Variants in ZC3H3 observed in about 807,000 individuals in gnomAD.
ZC3H3 encodes the protein zinc finger CCCH domain-containing protein 3.
Under a neutral mutation model 77.3 loss-of-function variants are expected in ZC3H3, and 36 were observed. That is an observed-to-expected ratio of 0.47 (90% CI 0.36 to 0.61). ZC3H3 has a LOEUF of 0.61. Ranked by LOEUF, ZC3H3 falls within the 20% of genes least tolerant of loss-of-function variation. ZC3H3 has a pLI of 0.00. For synonymous variants in ZC3H3, 626 were observed against 555.2 expected (o/e 1.13, Z -1.79); for missense variants, 1,331 against 1,312.2 (o/e 1.01, Z -0.22).
chr8:143,503,070 C>A (rs1821573882), intron 4 of ZC3H3, among the ~76,000 whole-genome samples: 1 of 152,248 alleles, frequency 6.6e-6, no homozygotes, highest in Admixed American at 6.5e-5. Context: ...CTCAGCAGAA[C>A]AACCCAGTCC....
chr8:143,449,701 G>A (rs555130241), intron 9 of ZC3H3, among the ~76,000 whole-genome samples: 3 of 151,966 alleles, frequency 2.0e-5, no homozygotes, highest in South Asian at 4.2e-4. Flanking sequence ...TTGCGCCACT[G>A]CATTCCAGCC....
At chr8:143,521,124 G>A (rs1822229068) in intron 3 of ZC3H3, among the ~76,000 whole-genome samples, 1 of 152,154 alleles carries the variant, frequency 6.6e-6, no homozygotes, top group South Asian at 2.1e-4. Context: ...AGCCCAGAGG[G>A]TTCTCAACAA....
intron 9 of ZC3H3, among the ~76,000 whole-genome samples, chr8:143,443,226 A>C (rs1819790352): frequency 1.4e-5 from 2 of 146,090 alleles, no homozygotes; most frequent in African/African-American, 5.0e-5. Flanking sequence ...TGGAGGTTGC[A>C]GTGAGCCAAG....
intron 2 of ZC3H3, among the ~76,000 whole-genome samples, 183 bp downstream of exon 2, chr8:143,537,820 C>G (rs1352267924): frequency 6.6e-6 from 1 of 152,008 alleles, no homozygotes; most frequent in East Asian, 1.9e-4. Context: ...TAAGTTTATG[C>G]CGGCCAGGGC....
chr8:143,454,079 CTTTT>C (rs55882218), intron 9 of ZC3H3, among the ~76,000 whole-genome samples: 1 of 142,770 alleles, frequency 7.0e-6, no homozygotes, highest in Non-Finnish European at 1.5e-5. Flanking sequence ...ATAACTTTTT[CTTTT>C]TTTTTTTTTT....
At chr8:143,531,575 T>C (rs147153321) in intron 3 of ZC3H3, among the ~76,000 whole-genome samples, 27 of 152,362 alleles carry the variant, frequency 1.8e-4, no homozygotes, top group African/African-American at 6.3e-4. Flanking sequence ...TTGTGCCAAA[T>C]AAATTGTGTA....
chr8:143,525,999 G>A (rs1353855607), intron 3 of ZC3H3, among the ~76,000 whole-genome samples: 1 of 152,226 alleles, frequency 6.6e-6, no homozygotes, highest in Admixed American at 6.5e-5. Context: ...AGCCCAGGGT[G>A]CTGGCACTGG....
intron 5 of ZC3H3, 68 bp from the exon 6 acceptor site, chr8:143,468,727 C>T: frequency 1.3e-6 from 2 of 1,506,818 alleles, no homozygotes; most frequent in South Asian, 2.5e-5. Context: ...CCCTGCTGAC[C>T]CCCTTAGTCG....
In ZC3H3 at chr8:143,437,781, A is replaced by C; in HGVS notation, c.*275T>G. 2 of 512,796 alleles carry C rather than the reference A, an allele frequency of 3.9e-6. No individual in the cohort carries two copies. Among genetic ancestry groups the C allele is most frequent in the Non-Finnish European group, 7.1e-6 (2 of 282,172 alleles). The allele number at this position is 512,796 out of a possible 1,614,324, so 31.8% of individuals were successfully genotyped here. A position where few individuals can be genotyped will look rare whatever the true frequency, so the allele number is the denominator to read the frequency against. On this transcript the variant is annotated 3_prime_UTR_variant, in exon 12 of 12. Coordinates refer to ENST00000262577, the MANE Select transcript of ZC3H3 (RefSeq NM_015117.3). ...GGGGGCTGCAGGGCCACTGTTGCCA[A>C]TGGCAGTCGGGGACAGGCCTGGAGG...
intron 3 of ZC3H3, among the ~76,000 whole-genome samples, chr8:143,516,063 T>C (rs1201019741): frequency 6.6e-6 from 1 of 152,124 alleles, no homozygotes; most frequent in African/African-American, 2.4e-5. Flanking sequence ...CTTGAGTGGC[T>C]GGGTGTGCTT....
At chr8:143,470,950 G>A (rs1393029876) in intron 5 of ZC3H3, among the ~76,000 whole-genome samples, 1 of 152,120 alleles carries the variant, frequency 6.6e-6, no homozygotes, top group Non-Finnish European at 1.5e-5. Context: ...GAATAGACTC[G>A]GCTCCCACCA....
chr8:143,524,608 G>C (rs773263482), intron 3 of ZC3H3, among the ~76,000 whole-genome samples: 1 of 152,260 alleles, frequency 6.6e-6, no homozygotes, highest in African/African-American at 2.4e-5. Flanking sequence ...ACAGCAGCTG[G>C]CCCCTGGCCC....
At chr8:143,474,540 G>A (rs1017727508) in intron 5 of ZC3H3, among the ~76,000 whole-genome samples, 8 of 152,316 alleles carry the variant, frequency 5.3e-5, no homozygotes, top group Admixed American at 3.9e-4. Flanking sequence ...CAGGCAGGGC[G>A]GCCAGTGAGG....
chr8:143,475,714 A>G, intron 4 of ZC3H3, 129 bp from the exon 5 acceptor site: 3 of 1,122,590 alleles, frequency 2.7e-6, no homozygotes, highest in Non-Finnish European at 3.7e-6. Flanking sequence ...CGGTGGGTAC[A>G]CACTCCAGCT....
intron 3 of ZC3H3, among the ~76,000 whole-genome samples, chr8:143,531,218 CAA>C (rs1331452361): frequency 1.3e-5 from 2 of 152,218 alleles, no homozygotes; most frequent in African/African-American, 4.8e-5. Flanking sequence ...CTCAGCCTCC[CAA>C]AGTGTTGGGA....
chr8:143,529,284 T>C (rs954453112), intron 3 of ZC3H3, among the ~76,000 whole-genome samples: 10 of 152,210 alleles, frequency 6.6e-5, no homozygotes, highest in East Asian at 1.9e-4. Context: ...TAGGGGGCCA[T>C]CACACTCCCA....
chr8:143,461,648 CT>C (rs1820266376), intron 9 of ZC3H3, among the ~76,000 whole-genome samples: 1 of 152,132 alleles, frequency 6.6e-6, no homozygotes, highest in Admixed American at 6.6e-5. Flanking sequence ...AGCGGCTTGA[CT>C]CTGTAATAAA....
At chr8:143,531,338 G>C (rs1312754118) in intron 3 of ZC3H3, among the ~76,000 whole-genome samples, 1 of 152,108 alleles carries the variant, frequency 6.6e-6, no homozygotes, top group Non-Finnish European at 1.5e-5. Flanking sequence ...GAAGGCAAGG[G>C]GCACACTGAC....
chr8:143,519,084 G>A (rs1332166372), intron 3 of ZC3H3, among the ~76,000 whole-genome samples: 7 of 152,140 alleles, frequency 4.6e-5, no homozygotes, highest in African/African-American at 7.2e-5. Context: ...GCACTACGCC[G>A]GCCTCCCCAG....
Sources: allele counts gnomAD v4.1 joint callset (sites outside exome capture counted in the v4.1 genomes callset), GRCh38; gene constraint gnomAD v4.1.1; transcripts MANE v1.5; gene names NCBI Gene and HGNC (gene_info 2026-07-23, HGNC 2026-07-21).